The following CTC1 variants were observed in gnomAD, a reference collection of about 807,000 sequenced individuals.
The protein encoded by CTC1 is CST telomere replication complex component 1, also known as CST complex subunit CTC1.
CTC1 carries 91 observed loss-of-function variants against 136.3 expected under a neutral mutation model. The ratio of observed to expected loss-of-function variants is 0.67; its 90% CI spans 0.56 to 0.79. The LOEUF (loss-of-function observed/expected upper bound fraction) is 0.79, where lower values mean the gene tolerates loss of function less well. Ranked by LOEUF, CTC1 falls within the 30% of genes least tolerant of loss-of-function variation. CTC1 has a pLI of 0.00. For synonymous variants in CTC1, 606 were observed against 613.8 expected (o/e 0.99, Z 0.19); for missense variants, 1,432 against 1,498.1 (o/e 0.96, Z 0.73).
At chr17:8,237,980 A>G in intron 4 of CTC1, 51 bp downstream of exon 4, 1 of 1,454,330 alleles carries the variant, frequency 6.9e-7, no homozygotes, top group South Asian at 1.2e-5. Flanking sequence ...CTGACCCAGC[A>G]TCATCCTTCA....
intron 10 of CTC1, 58 bp from the exon 11 acceptor site, chr17:8,233,090 A>G (rs1473963061): frequency 1.1e-5 from 18 of 1,576,300 alleles, no homozygotes; most frequent in Non-Finnish European, 1.5e-5. Flanking sequence ...CTGAGCATCT[A>G]CTATTTGCCA....
rs182670804 is a variant in CTC1, at chr17:8,241,758, C to A, written c.197+1227G>T. Among the ~76,000 whole-genome samples the A allele has an allele frequency of 1.8e-3, 258 of 145,530 alleles. 1 individual carries two copies. The highest frequency in any genetic ancestry group is 6.3e-3 in the African/African-American group (248 of 39,348). On this transcript the variant is annotated intron_variant, in intron 2 of 22. Transcript: ENST00000651323. ...GTCCTAGCTATGTGGGAGGCTGAGG[C>A]AGGAGAATTGCTTGAGCCCAGGAGG...
rs1986534361 is a variant in CTC1, at chr17:8,225,168, A to C, written c.*3012T>G. The C allele has an allele frequency of 6.6e-6, 1 of 152,234 alleles. No homozygotes were observed. Among genetic ancestry groups the C allele is most frequent in the Non-Finnish European group, 1.5e-5 (1 of 68,076 alleles). The allele number at this position is 152,234 out of a possible 1,614,324, so 9.4% of individuals were successfully genotyped here. A position where few individuals can be genotyped will look rare whatever the true frequency, so the allele number is the denominator to read the frequency against. ...CCACCGCGCCCGGCCATACATGGCAAGTTTCTACATGGTGTTTCAGACTTA... is the reference window on the plus strand; with the variant it reads ...CCACCGCGCCCGGCCATACATGGCACGTTTCTACATGGTGTTTCAGACTTA... On this transcript the variant is annotated 3_prime_UTR_variant, in exon 23 of 23. Coordinates refer to ENST00000651323, the MANE Select transcript of CTC1 (RefSeq NM_025099.6).
Position 8,228,488 on chromosome 17 carries a change from C to A in CTC1, c.3514+15G>T. On this transcript the variant is annotated intron_variant, in intron 22 of 22. Coordinates refer to ENST00000651323, the MANE Select transcript of CTC1 (RefSeq NM_025099.6). The stretch of plus-strand genomic sequence containing the variant: ...GATCCCCCTATCATCATGATCCCCC[C>A]GTCTCCAACCTTACCTAATGGGACG... 6.2e-7 allele frequency: 1 copy of A among 1,614,088 alleles called. No homozygotes were observed. The highest frequency in any genetic ancestry group is 8.5e-7 in the Non-Finnish European group (1 of 1,179,998).
Position 8,226,650 on chromosome 17 carries a change from T to G in CTC1, c.*1530A>C, listed in dbSNP as rs1021551937. 1 of 152,212 alleles carries G rather than the reference T, an allele frequency of 6.6e-6. No individual in the cohort carries two copies. The highest frequency in any genetic ancestry group is 1.5e-5 in the Non-Finnish European group (1 of 68,038). The allele number at this position is 152,212 out of a possible 1,614,324, so 9.4% of individuals were successfully genotyped here. ...TCGAACCTGCGCGGGGAGACCCCAA[T>G]GGATTTCTAGTCCATCGCCTTAACC... On this transcript the variant is annotated 3_prime_UTR_variant, in exon 23 of 23. Coordinates refer to ENST00000651323, the MANE Select transcript of CTC1 (RefSeq NM_025099.6).
intron 1 of CTC1, among the ~76,000 whole-genome samples, chr17:8,246,375 C>T (rs1988709872): frequency 6.6e-6 from 1 of 152,168 alleles, no homozygotes; most frequent in Non-Finnish European, 1.5e-5. Flanking sequence ...TAGCTGAGAT[C>T]TCATTCCTGA....
intron 5 of CTC1, 127 bp from the exon 6 acceptor site, chr17:8,236,469 C>T: frequency 1.1e-6 from 1 of 938,896 alleles, no homozygotes; most frequent in Non-Finnish European, 1.6e-6. Context: ...ACCTCTCCAT[C>T]TTCCCTATGT....
intron 18 of CTC1, 37 bp downstream of exon 18, chr17:8,229,854 A>G: frequency 6.4e-7 from 1 of 1,561,218 alleles, no homozygotes. Context: ...GCAGATGTGA[A>G]GCCAGGAAGT....
intron 2 of CTC1, among the ~76,000 whole-genome samples, chr17:8,239,186 G>A (rs983902678): frequency 6.6e-6 from 1 of 152,028 alleles, no homozygotes; most frequent in Non-Finnish European, 1.5e-5. Flanking sequence ...GTGCCAGGGA[G>A]AGGACCCAGA....
chr17:8,241,638 G>A (rs976728595), intron 2 of CTC1, among the ~76,000 whole-genome samples: 2 of 151,426 alleles, frequency 1.3e-5, no homozygotes, highest in African/African-American at 2.4e-5. Flanking sequence ...GGCCAGGCAC[G>A]GTGGCTCATG....
chr17:8,237,303 G>A, intron 5 of CTC1, 72 bp downstream of exon 5: 1 of 1,559,616 alleles, frequency 6.4e-7, no homozygotes, highest in Admixed American at 1.7e-5. Context: ...CTCCTCCTAT[G>A]ATGCTATCTT....
chr17:8,238,370 C>G (rs1299797180), intron 3 of CTC1, 22 bp downstream of exon 3: 1 of 1,603,278 alleles, frequency 6.2e-7, no homozygotes. Context: ...TCTGAGGCAT[C>G]TGATCTCCAC....
rs780734573 is a variant in CTC1, at chr17:8,228,822, C to T, written c.3292G>A (p.Gly1098Arg). The T allele has an allele frequency of 1.9e-6, 3 of 1,614,056 alleles. No individual in the cohort carries two copies. Among genetic ancestry groups the T allele is most frequent in the Non-Finnish European group, 1.7e-6 (2 of 1,179,978 alleles). The stretch of plus-strand genomic sequence containing the variant: ...GAGGCCCACTCTCTAGGACACAGCC[C>T]TAGTGCTGCTGCCACATGGTGATTC... ...CRNHHVAAALGLCPREWASLL... is the reference protein window; with the variant it reads ...CRNHHVAAALRLCPREWASLL... The change falls in exon 21 of 23, where the codon GGG (glycine) becomes AGG (arginine). Residue 1098 changes from glycine to arginine, a missense_variant. Gly to Arg is a moderately radical substitution (Grantham distance 125, BLOSUM62 -2). Coordinates refer to ENST00000651323, the MANE Select transcript of CTC1 (RefSeq NM_025099.6).
chr17:8,244,774 G>T (rs547119094), intron 1 of CTC1, among the ~76,000 whole-genome samples: 1 of 152,146 alleles, frequency 6.6e-6, no homozygotes, highest in Admixed American at 6.6e-5. Context: ...TGATCCGCCC[G>T]CCTCAGCCTC....
chr17:8,238,393 T>A lies in CTC1; in HGVS notation c.434A>T (p.Glu145Val). The A allele has an allele frequency of 6.2e-7, 1 of 1,613,308 alleles. No individual in the cohort carries two copies. The highest frequency in any genetic ancestry group is 8.5e-7 in the Non-Finnish European group (1 of 1,179,366). ...VRDNTGVLSC[E>V]LIDLDLSWLG... The stretch of plus-strand genomic sequence containing the variant: ...ATCTGATCTCCACCTTCCACTCACC[T>A]CACAGCTCAGGACGCCAGTGTTATC... Residue 145 changes from glutamate to valine, a missense_variant and splice_region_variant, in exon 3 of 23, where the codon GAG (glutamate) becomes GTG (valine). Transcript: ENST00000651323.
Position 8,227,190 on chromosome 17 carries a change from C to G in CTC1, c.*990G>C, listed in dbSNP as rs1413949745. 2 of 150,568 alleles carry G rather than the reference C, an allele frequency of 1.3e-5. No homozygotes were observed. Among genetic ancestry groups the G allele is most frequent in the Non-Finnish European group, 2.9e-5 (2 of 68,072 alleles). The allele number at this position is 150,568 out of a possible 1,614,324, so 9.3% of individuals were successfully genotyped here. ...CCCAAACACGAACAAATCCTAACAG[C>G]CAGGAAGAAATGGCCTCCCAGTAGC... On this transcript the variant is annotated 3_prime_UTR_variant, in exon 23 of 23. Coordinates refer to ENST00000651323, the MANE Select transcript of CTC1 (RefSeq NM_025099.6).
At chr17:8,234,680 G>A (rs1480692355) in intron 9 of CTC1, 25 bp from the exon 10 acceptor site, 1 of 1,593,028 alleles carries the variant, frequency 6.3e-7, no homozygotes, top group Non-Finnish European at 8.6e-7. Flanking sequence ...AGAGAAATCG[G>A]GTGTGTGTCC....
chr17:8,228,278 A>G lies in CTC1; in HGVS notation c.3556T>C (p.Phe1186Leu). 6.2e-7 allele frequency: 1 copy of G among 1,614,118 alleles called. No homozygotes were observed. Among genetic ancestry groups the G allele is most frequent in the Non-Finnish European group, 8.5e-7 (1 of 1,180,006 alleles). Residue 1186 changes from phenylalanine (F) to leucine (L), a missense_variant, in exon 23 of 23, where the codon TTC becomes CTC. Phe to Leu is a conservative substitution (Grantham distance 22). Transcript: ENST00000651323. ...LQRFQCGELP[F>L]LTHVNPRLRL... ...AGCCTGGGGTTCACGTGAGTCAGGA[A>G]AGGGAGCTCTCCACACTGGAATCGC...
At chr17:8,231,567 G>T in intron 14 of CTC1, 98 bp from the exon 15 acceptor site, 3 of 1,292,058 alleles carry the variant, frequency 2.3e-6, no homozygotes, top group East Asian at 2.4e-5. Flanking sequence ...TCTGGAGCAT[G>T]GAGAAGGAAG....
Sources: gnomAD v4.1 joint callset for allele counts (sites outside exome capture counted in the v4.1 genomes callset) on GRCh38, gnomAD v4.1.1 for gene constraint, MANE v1.5 for transcripts, NCBI Gene and HGNC (gene_info 2026-07-23, HGNC 2026-07-21) for gene names.